The following WDR33 variants were observed in gnomAD, a reference collection of about 807,000 sequenced individuals.
The protein encoded by WDR33 is pre-mRNA 3' end processing protein WDR33.
In WDR33, 47 loss-of-function variants were observed where a neutral mutation model predicts 164.9. The ratio of observed to expected loss-of-function variants is 0.29; its 90% CI spans 0.23 to 0.36. The LOEUF (loss-of-function observed/expected upper bound fraction) is 0.36, where lower values mean the gene tolerates loss of function less well. Among genes scored for constraint, WDR33 ranks in the 10% least tolerant of loss-of-function variants. WDR33 has a pLI of 1.00. For missense variants in WDR33, 1,137 were observed against 1,754.1 expected (o/e 0.65, Z 6.28); for synonymous variants, 505 against 589.0 (o/e 0.86, Z 2.06).
intron 1 of WDR33, among the ~76,000 whole-genome samples, chr2:127,801,880 T>C (rs1368148173): frequency 2.0e-5 from 3 of 148,714 alleles, no homozygotes. Flanking sequence ...TGAGACTCCA[T>C]CTCAAAAAAA....
At chr2:127,748,634 C>T (rs10198785) in intron 7 of WDR33, among the ~76,000 whole-genome samples, 9 of 152,192 alleles carry the variant, frequency 5.9e-5, no homozygotes, top group East Asian at 3.9e-4. Context: ...TTTCAATTGG[C>T]GGCAGCACAT....
Position 127,762,732 on chromosome 2 carries a change from A to G in WDR33, c.724+330T>C, listed in dbSNP as rs1687714797. 3.8e-6 allele frequency: 4 copies of G among 1,064,646 alleles called. No individual in the cohort carries two copies. In the Admixed American group the frequency reaches 2.0e-4, roughly 53 times the overall value. 65.9% of individuals were successfully genotyped at this position (1,064,646 alleles called of 1,614,324 possible). ...GAATGACGGCTATCTAAATCAAACC[A>G]CAGTGTCAATATGTTGGGAACAAGT... On this transcript the variant is annotated intron_variant, in intron 7 of 21. Transcript: ENST00000322313.
Position 127,722,801 on chromosome 2 carries a change from A to G in WDR33, c.1379-71T>C. The G allele has an allele frequency of 3.3e-6, 5 of 1,520,134 alleles. No individual in the cohort carries two copies. Among genetic ancestry groups the G allele is most frequent in the South Asian group, 1.2e-5 (1 of 81,740 alleles). The allele number at this position is 1,520,134 out of a possible 1,614,324, so 94.2% of individuals were successfully genotyped here. A position where few individuals can be genotyped will look rare whatever the true frequency, so the allele number is the denominator to read the frequency against. On this transcript the variant is annotated intron_variant, in intron 13 of 21. Transcript: ENST00000322313. This position sits in a 1 kb window ranked among gnomAD's most constrained non-coding sequence, Gnocchi z 5.1. ...TGGCCACTTGATCAATGAACACATTATTGGAAGAATAGATTTTAAGTATTA... is the reference window on the plus strand; with the variant it reads ...TGGCCACTTGATCAATGAACACATTGTTGGAAGAATAGATTTTAAGTATTA...
intron 1 of WDR33, among the ~76,000 whole-genome samples, chr2:127,784,173 T>C (rs1688476442): frequency 6.6e-6 from 1 of 152,194 alleles, no homozygotes; most frequent in Non-Finnish European, 1.5e-5. Context: ...TTCAGTCTGC[T>C]GCAATATGTT....
rs774069217 is a variant in WDR33, at chr2:127,720,275, C to T, written c.1750G>A (p.Gly584Arg). 1.0e-5 allele frequency: 16 copies of T among 1,535,430 alleles called. No individual in the cohort carries two copies. The East Asian group carries it at 2.5e-4, about 24-fold the overall frequency. ...CCTTGTCCTGGAAAAGGCTGGGGTC[C>T]GAGGAGAGGGGTGCCAGATGAGGGA... ...PPPSSGTPLL[G>R]PQPFPGQGPM... Residue 584 changes from glycine (G) to arginine (R), a missense_variant, in exon 16 of 22, where the codon GGA (glycine) becomes AGA (arginine). Physicochemically the swap from Gly to Arg is moderately radical, Grantham distance 125. Coordinates refer to ENST00000322313, the MANE Select transcript of WDR33 (RefSeq NM_018383.5). The surrounding 1 kb of genome is among the most constrained non-coding windows in gnomAD (Gnocchi z 5.9).
intron 1 of WDR33, among the ~76,000 whole-genome samples, chr2:127,800,116 T>A (rs1216039832): frequency 6.6e-6 from 1 of 152,190 alleles, no homozygotes; most frequent in Non-Finnish European, 1.5e-5. Context: ...ATGTTAAATG[T>A]CAAAATACCA....
intron 1 of WDR33, among the ~76,000 whole-genome samples, chr2:127,781,790 G>C (rs1266496905): frequency 6.6e-6 from 1 of 151,544 alleles, no homozygotes; most frequent in South Asian, 2.1e-4. Context: ...CCTGAGGTCG[G>C]GAGTTTGAGA....
chr2:127,806,900 G>C (rs917031201), intron 1 of WDR33, among the ~76,000 whole-genome samples: 1 of 152,192 alleles, frequency 6.6e-6, no homozygotes, highest in African/African-American at 2.4e-5. Flanking sequence ...TCAAGAAAGG[G>C]AGGATATAGA....
At chr2:127,734,182 A>T (rs527444247) in intron 7 of WDR33, among the ~76,000 whole-genome samples, 1 of 152,262 alleles carries the variant, frequency 6.6e-6, no homozygotes, top group Non-Finnish European at 1.5e-5. Flanking sequence ...AAACATATTG[A>T]TTCTGAAGAC....
Position 127,726,028 on chromosome 2 carries a change from C to CA in WDR33, c.851+622dup, listed in dbSNP as rs1256997146. ...GCATTCACAAGGCATTCCAGGTTGGCATGGTCATTGGGGTTGTACAACAAA... is the reference window on the plus strand; with the variant it reads ...GCATTCACAAGGCATTCCAGGTTGGCAATGGTCATTGGGGTTGTACAACAAA... On this transcript the variant is annotated intron_variant, in intron 8 of 21. Transcript: ENST00000322313. This position sits in a 1 kb window ranked among gnomAD's most constrained non-coding sequence, Gnocchi z 4.8. 6.6e-6 allele frequency among the ~76,000 whole-genome samples: 1 copy of CA among 152,124 alleles called. No individual in the cohort carries two copies. Among genetic ancestry groups the CA allele is most frequent in the East Asian group, 1.9e-4 (1 of 5,174 alleles).
rs529343179 is a variant in WDR33 at position 127,763,424 on chromosome 2, G to C, written c.627-265C>G. ...TATTATTAGTGCTAATGCTATCCAT[G>C]TTCCTTCTCTATTTTCTATGATACG... is the stretch of plus-strand genomic sequence containing the variant. On this transcript the variant is annotated intron_variant, in intron 6 of 21. Transcript: ENST00000322313. This position sits in a 1 kb window ranked among gnomAD's most constrained non-coding sequence, Gnocchi z 4.5. The C allele has an allele frequency of 2.5e-6, 3 of 1,193,148 alleles. No individual in the cohort carries two copies. The South Asian group carries it at 7.8e-5, about 31-fold the overall frequency. 73.9% of individuals were successfully genotyped at this position (1,193,148 alleles called of 1,614,324 possible). A position where few individuals can be genotyped will look rare whatever the true frequency, so the allele number is the denominator to read the frequency against.
At chr2:127,788,533 C>T (rs1416413080) in intron 1 of WDR33, among the ~76,000 whole-genome samples, 1 of 125,588 alleles carries the variant, frequency 8.0e-6, no homozygotes, top group Admixed American at 7.4e-5. Flanking sequence ...CTGACCCCCC[C>T]ATCTCCCTCC....
rs754357420 is a variant in WDR33 at position 127,706,491 on chromosome 2, G to A, written c.3843C>T (p.Asp1281=). The change falls in exon 22 of 22, where the codon GAC becomes GAT. Residue 1281 remains aspartate (D), a synonymous_variant. Coordinates refer to ENST00000322313, the MANE Select transcript of WDR33 (RefSeq NM_018383.5). The surrounding 1 kb of genome is among the most constrained non-coding windows in gnomAD (Gnocchi z 5.1). ...VPKSGRSSSL[D]GEHHDGYHRD... ...TGTGGTATCCATCGTGGTGCTCTCC[G>A]TCTAAGGAGCTGGAACGCCCAGATT... 25 of 1,613,134 alleles carry A rather than the reference G, an allele frequency of 1.5e-5. No individual in the cohort carries two copies. Among genetic ancestry groups the A allele is most frequent in the Middle Eastern group, 1.6e-4 (1 of 6,076 alleles).
At chr2:127,781,963 A>C (rs1688385507) in intron 1 of WDR33, among the ~76,000 whole-genome samples, 1 of 145,114 alleles carries the variant, frequency 6.9e-6, no homozygotes, top group Admixed American at 7.3e-5. Context: ...GCGCCATTGC[A>C]CTCCAGCCTG....
intron 7 of WDR33, among the ~76,000 whole-genome samples, chr2:127,731,289 T>G (rs1285309709): frequency 1.1e-5 from 1 of 93,480 alleles, no homozygotes; most frequent in Non-Finnish European, 1.9e-5. Flanking sequence ...AGCAAGACCC[T>G]GCCTCAAAAA....
intron 1 of WDR33, among the ~76,000 whole-genome samples, chr2:127,804,496 T>TG: frequency 6.6e-6 from 1 of 151,762 alleles, no homozygotes; most frequent in South Asian, 2.1e-4. Flanking sequence ...AGCAGAGAAG[T>TG]GCGGAGAAGT....
rs771255750 is a variant in WDR33 at position 127,719,589 on chromosome 2, T to C, written c.2436A>G (p.Gly812=). ...IMGHPPQEMR[G]PHPPGGLLGH... ...CCAGTAGTCCACCTGGAGGGTGAGGTCCTCTCATCTCTTGAGGCGGGTGGC... is the reference window on the plus strand; with the variant it reads ...CCAGTAGTCCACCTGGAGGGTGAGGCCCTCTCATCTCTTGAGGCGGGTGGC... The change falls in exon 16 of 22, where the codon GGA becomes GGG. Residue 812 remains glycine (G), a synonymous_variant. Coordinates refer to ENST00000322313, the MANE Select transcript of WDR33 (RefSeq NM_018383.5). This position sits in a 1 kb window ranked among gnomAD's most constrained non-coding sequence, Gnocchi z 6.5. 3.1e-6 allele frequency: 5 copies of C among 1,613,562 alleles called. No individual in the cohort carries two copies. Among genetic ancestry groups the C allele is most frequent in the African/African-American group, 1.3e-5 (1 of 74,802 alleles).
Position 127,718,261 on chromosome 2 carries a change from C to CA in WDR33, c.2761-999dup, listed in dbSNP as rs1029081359. On this transcript the variant is annotated intron_variant, in intron 16 of 21. Transcript: ENST00000322313. The surrounding 1 kb of genome is among the most constrained non-coding windows in gnomAD (Gnocchi z 4.4). ...CGTGGTGGTATTTGAAAAACCAAAA[C>CA]AGACTGTGCTTTCTACATCTGTAGC... is the stretch of plus-strand genomic sequence containing the variant. Among the ~76,000 whole-genome samples the CA allele has an allele frequency of 1.3e-5, 2 of 151,920 alleles. No individual in the cohort carries two copies. The highest frequency in any genetic ancestry group is 1.3e-4 in the Admixed American group (2 of 15,258).
chr2:127,734,420 A>T (rs1047054317), intron 7 of WDR33, among the ~76,000 whole-genome samples: 19 of 152,250 alleles, frequency 1.2e-4, no homozygotes, highest in Non-Finnish European at 2.8e-4. Flanking sequence ...TTTGTAGATT[A>T]ACCTGTGTCT....
Sources: allele counts gnomAD v4.1 joint callset (sites outside exome capture counted in the v4.1 genomes callset), GRCh38; gene constraint gnomAD v4.1.1; non-coding constraint Gnocchi (gnomAD v3.1); transcripts MANE v1.5; gene names NCBI Gene and HGNC (gene_info 2026-07-23, HGNC 2026-07-21).